Variants in CSMD3 observed in about 807,000 individuals in gnomAD.
CSMD3 encodes the protein CUB and Sushi multiple domains 3, also known as CUB and sushi domain-containing protein 3.
CSMD3 carries 177 observed loss-of-function variants against 435.2 expected under a neutral mutation model. That is an observed-to-expected ratio of 0.41 (90% CI 0.36 to 0.46). The LOEUF is 0.46. Among genes scored for constraint, CSMD3 ranks in the 20% least tolerant of loss-of-function variants. The pLI is 0.34. For synonymous variants in CSMD3, 1,656 were observed against 1,520.5 expected (o/e 1.09, Z -2.07); for missense variants, 4,265 against 4,504.6 (o/e 0.95, Z 1.52).
intron 13 of CSMD3, among the ~76,000 whole-genome samples, chr8:112,754,340 A>G (rs961014711): frequency 1.3e-5 from 2 of 152,132 alleles, no homozygotes; most frequent in East Asian, 3.9e-4. Flanking sequence ...ACAAATCTCA[A>G]ATTTTGCCTA....
intron 4 of CSMD3, among the ~76,000 whole-genome samples, chr8:113,158,646 A>C (rs1421692916): frequency 6.6e-6 from 1 of 152,008 alleles, no homozygotes; most frequent in Non-Finnish European, 1.5e-5. Flanking sequence ...CTTTTTAACT[A>C]TCCACTTTGG....
intron 36 of CSMD3, 103 bp downstream of exon 36, chr8:112,390,560 CA>C: frequency 1.0e-6 from 1 of 1,002,086 alleles, no homozygotes; most frequent in Middle Eastern, 2.4e-4. Context: ...CCATGTCAGT[CA>C]AAACCACTTG....
At chr8:112,947,206 G>C (rs2083639726) in intron 9 of CSMD3, among the ~76,000 whole-genome samples, 1 of 151,636 alleles carries the variant, frequency 6.6e-6, no homozygotes, top group South Asian at 2.1e-4. Flanking sequence ...TTATTTGATA[G>C]TTATGTAAAT....
chr8:112,511,384 C>CTTTTTT (rs34548150), intron 28 of CSMD3, among the ~76,000 whole-genome samples: 27 of 72,380 alleles, frequency 3.7e-4, no homozygotes, highest in African/African-American at 6.1e-4. Flanking sequence ...ATTTTCTTTT[C>CTTTTTT]TTTTTTTTTT....
intron 13 of CSMD3, among the ~76,000 whole-genome samples, chr8:112,728,204 T>C (rs1253538227): frequency 6.6e-6 from 1 of 151,906 alleles, no homozygotes; most frequent in Non-Finnish European, 1.5e-5. Flanking sequence ...AAACTGATTA[T>C]GACAACCAAA....
chr8:113,157,939 C>A (rs924683065), intron 4 of CSMD3, among the ~76,000 whole-genome samples: 3 of 152,022 alleles, frequency 2.0e-5, no homozygotes, highest in Non-Finnish European at 4.4e-5. Context: ...TAGTGAGGTT[C>A]TTGGGAAAAC....
intron 4 of CSMD3, among the ~76,000 whole-genome samples, chr8:113,157,262 G>A (rs938670497): frequency 1.3e-5 from 2 of 152,048 alleles, no homozygotes; most frequent in African/African-American, 4.8e-5. Context: ...GTACTAAAAG[G>A]GCAACTTGAG....
intron 10 of CSMD3, among the ~76,000 whole-genome samples, chr8:112,865,932 AT>A (rs34477418): frequency 1.3e-5 from 2 of 152,070 alleles, no homozygotes; most frequent in South Asian, 2.1e-4. Flanking sequence ...ATGTCTTCCA[AT>A]TTTTTTCCCC....
chr8:113,307,377 C>T (rs1481841831), intron 2 of CSMD3, among the ~76,000 whole-genome samples: 1 of 152,080 alleles, frequency 6.6e-6, no homozygotes, highest in Non-Finnish European at 1.5e-5. Flanking sequence ...ACTTAGACTC[C>T]TTCACATCTT....
At chr8:113,330,866 T>C (rs954443301) in intron 1 of CSMD3, among the ~76,000 whole-genome samples, 1 of 151,786 alleles carries the variant, frequency 6.6e-6, no homozygotes, top group Non-Finnish European at 1.5e-5. Flanking sequence ...GTAATGGATA[T>C]AACAACAAAG....
chr8:112,998,216 G>A (rs2085728316), intron 6 of CSMD3, among the ~76,000 whole-genome samples: 1 of 151,724 alleles, frequency 6.6e-6, no homozygotes, highest in Admixed American at 6.6e-5. Context: ...ATATTATTCA[G>A]TGAACATTTA....
chr8:112,578,408 T>A (rs1050345577), intron 23 of CSMD3, among the ~76,000 whole-genome samples: 10 of 151,916 alleles, frequency 6.6e-5, no homozygotes, highest in African/African-American at 2.4e-4. Flanking sequence ...TTTATTTTCC[T>A]TATCCTTAAT....
chr8:113,057,456 T>C (rs2088393701), intron 5 of CSMD3, among the ~76,000 whole-genome samples: 2 of 152,122 alleles, frequency 1.3e-5, no homozygotes, highest in Non-Finnish European at 2.9e-5. Flanking sequence ...TGTATCTCTA[T>C]CAGGGGTCTT....
At chr8:112,446,068 T>C (rs1279320826) in intron 32 of CSMD3, among the ~76,000 whole-genome samples, 1 of 152,230 alleles carries the variant, frequency 6.6e-6, no homozygotes, top group East Asian at 1.9e-4. Flanking sequence ...TATTTTATTC[T>C]TGAGTCAACT....
chr8:112,475,290 T>C (rs1256634454), intron 31 of CSMD3, among the ~76,000 whole-genome samples: 2 of 152,170 alleles, frequency 1.3e-5, no homozygotes, highest in East Asian at 3.8e-4. Context: ...ATATTTTATT[T>C]TGTATAACTG....
chr8:112,398,985 C>G (rs984307563), intron 35 of CSMD3, among the ~76,000 whole-genome samples: 1 of 150,654 alleles, frequency 6.6e-6, no homozygotes, highest in Non-Finnish European at 1.5e-5. Context: ...GGTACGATCT[C>G]GGCTCACTGC....
chr8:112,786,517 T>C (rs1342578622), intron 13 of CSMD3, among the ~76,000 whole-genome samples: 1 of 151,948 alleles, frequency 6.6e-6, no homozygotes, highest in Non-Finnish European at 1.5e-5. Context: ...AACTATCTAT[T>C]TGACAAAGGC....
chr8:112,573,706 A>G lies in CSMD3; in HGVS notation c.3886-49T>C, dbSNP rs1050388164. 2.0e-5 allele frequency: 27 copies of G among 1,354,066 alleles called. No homozygotes were observed. The Admixed American group carries it at 3.2e-4, about 16-fold the overall frequency. The allele number at this position is 1,354,066 out of a possible 1,614,324, so 83.9% of individuals were successfully genotyped here. ...AATGTAAATGTGCCAATAATAATCA[A>G]TTCAGAGCATGTATTTGTATCTATG... On this transcript the variant is annotated intron_variant, in intron 23 of 70. Transcript: ENST00000297405.
intron 3 of CSMD3, among the ~76,000 whole-genome samples, chr8:113,261,959 T>C (rs993266908): frequency 6.6e-6 from 1 of 152,214 alleles, no homozygotes; most frequent in East Asian, 1.9e-4. Context: ...ATCATTATTA[T>C]ATTTTCCACT....
Sources: allele counts gnomAD v4.1 joint callset (sites outside exome capture counted in the v4.1 genomes callset), GRCh38; gene constraint gnomAD v4.1.1; transcripts MANE v1.5; gene names NCBI Gene and HGNC (gene_info 2026-07-23, HGNC 2026-07-21).